CPVL: variants seen among roughly 807,000 people sequenced by gnomAD.
The protein encoded by CPVL is carboxypeptidase vitellogenic like.
CPVL carries 51 observed loss-of-function variants against 63.7 expected under a neutral mutation model. The ratio of observed to expected loss-of-function variants is 0.80; its 90% CI spans 0.64 to 1.01. The LOEUF (loss-of-function observed/expected upper bound fraction) is 1.01. Among genes scored for constraint, CPVL ranks in the 50% least tolerant of loss-of-function variants. The probability of loss-of-function intolerance (pLI) is 0.00; values close to 1 mark genes in which losing one functional copy is unlikely to be tolerated. For missense variants in CPVL, 530 were observed against 573.1 expected (o/e 0.92, Z 0.77); for synonymous variants, 195 against 206.0 (o/e 0.95, Z 0.46).
intron 12 of CPVL, among the ~76,000 whole-genome samples, chr7:28,997,661 C>T (rs1784217233): frequency 6.6e-6 from 1 of 151,136 alleles, no homozygotes; most frequent in African/African-American, 2.4e-5. Flanking sequence ...CTAGCTAGAA[C>T]CCTGACTTCT....
In CPVL at chr7:29,131,669, C is replaced by T. The variant is rs548646023; in HGVS notation, c.-10-10598G>A. On this transcript the variant is annotated intron_variant, in intron 1 of 12. Coordinates refer to ENST00000265394, the MANE Select transcript of CPVL (RefSeq NM_031311.5). ...CTGGGACCACCGGTGCATGCCACCACACCCAGCTAATTTTTGTACTTTTTG... is the reference window on the plus strand; with the variant it reads ...CTGGGACCACCGGTGCATGCCACCATACCCAGCTAATTTTTGTACTTTTTG... 2.0e-5 allele frequency among the ~76,000 whole-genome samples: 3 copies of T among 152,340 alleles called. No individual in the cohort carries two copies. In the East Asian group the frequency reaches 5.8e-4, roughly 29 times the overall value.
chr7:29,157,770 A>T (rs1383035550), intron 5 of CPVL, among the ~76,000 whole-genome samples: 1 of 152,180 alleles, frequency 6.6e-6, no homozygotes, highest in African/African-American at 2.4e-5. Context: ...TTTTTCTGCC[A>T]GAACAAATTA....
intron 10 of CPVL, among the ~76,000 whole-genome samples, chr7:29,065,785 T>A (rs1187763356): frequency 6.6e-6 from 1 of 152,118 alleles, no homozygotes; most frequent in East Asian, 1.9e-4. Context: ...GGGGAAATCA[T>A]GTTCATCAGA....
At chr7:29,092,590 T>G in intron 6 of CPVL, 33 bp downstream of exon 6, 1 of 1,506,664 alleles carries the variant, frequency 6.6e-7, no homozygotes, top group Non-Finnish European at 9.2e-7. Context: ...TGTTTGGTCT[T>G]AGGAAAGCCA....
chr7:29,116,931 G>A (rs180709746), intron 2 of CPVL, among the ~76,000 whole-genome samples: 16 of 152,232 alleles, frequency 1.1e-4, no homozygotes, highest in African/African-American at 2.9e-4. Flanking sequence ...TAAGACTCAC[G>A]TTCCTAGGGT....
chr7:29,006,112 C>T lies in CPVL; in HGVS notation c.1321-10230G>A, dbSNP rs182973917. Reference sequence around the variant, plus strand: ...TAGTTCTAGCAGCAGTGTGTGGGCACTCCCTCACTGGATCAGGAGAACCAA... The same window carrying T: ...TAGTTCTAGCAGCAGTGTGTGGGCATTCCCTCACTGGATCAGGAGAACCAA... On this transcript the variant is annotated intron_variant, in intron 12 of 12. Transcript: ENST00000265394. 4.6e-5 allele frequency among the ~76,000 whole-genome samples: 7 copies of T among 152,360 alleles called. No individual in the cohort carries two copies. In the East Asian group the frequency reaches 1.4e-3, roughly 29 times the overall value.
chr7:29,014,507 A>AT (rs534644628), intron 12 of CPVL, among the ~76,000 whole-genome samples: 208 of 144,784 alleles, frequency 1.4e-3, no homozygotes, highest in Middle Eastern at 3.5e-3. Flanking sequence ...AATTCTTTTA[A>AT]TTTTTTTTTT....
intron 10 of CPVL, among the ~76,000 whole-genome samples, chr7:29,065,198 T>G (rs1783029997): frequency 6.6e-6 from 1 of 152,200 alleles, no homozygotes; most frequent in South Asian, 2.1e-4. Flanking sequence ...CATCAACAAT[T>G]TTTACTAACT....
chr7:29,168,179 G>A (rs779506928), intron 5 of CPVL, among the ~76,000 whole-genome samples: 15 of 152,116 alleles, frequency 9.9e-5, no homozygotes, highest in Non-Finnish European at 1.5e-4. Context: ...ATCTTCTGAC[G>A]TTTGGTCTGG....
intron 12 of CPVL, among the ~76,000 whole-genome samples, chr7:29,013,804 A>C (rs375421123): frequency 1.3e-5 from 2 of 152,234 alleles, no homozygotes; most frequent in African/African-American, 4.8e-5. Flanking sequence ...GGTCTGCCTC[A>C]GCTGCAAAGA....
chr7:29,042,449 A>T (rs1789200243), intron 11 of CPVL, among the ~76,000 whole-genome samples: 1 of 151,950 alleles, frequency 6.6e-6, no homozygotes, highest in Non-Finnish European at 1.5e-5. Flanking sequence ...CAAAAAAGTT[A>T]AAAAAATCAG....
chr7:29,184,862 A>G (rs1436256745), intron 3 of CPVL, among the ~76,000 whole-genome samples: 6 of 152,210 alleles, frequency 3.9e-5, no homozygotes, highest in Admixed American at 3.3e-4. Flanking sequence ...TGACTTAATT[A>G]TTCACCCTTT....
At chr7:29,189,934 G>A (rs1182039244) in intron 1 of CPVL, among the ~76,000 whole-genome samples, 1 of 152,132 alleles carries the variant, frequency 6.6e-6, no homozygotes, top group Non-Finnish European at 1.5e-5. Flanking sequence ...TGGGAATTGG[G>A]TAGCAGAGGC....
chr7:29,092,521 TA>T (rs1284564726), intron 6 of CPVL, 101 bp downstream of exon 6: 5 of 759,376 alleles, frequency 6.6e-6, no homozygotes, highest in Non-Finnish European at 1.1e-5. Context: ...AATTGGACTA[TA>T]AGGCTCAGTC....
chr7:29,123,636 T>A (rs867865890), intron 1 of CPVL, among the ~76,000 whole-genome samples: 11 of 105,610 alleles, frequency 1.0e-4, no homozygotes, highest in African/African-American at 1.9e-4. Context: ...AAAATATATA[T>A]ATATATATAT....
intron 5 of CPVL, among the ~76,000 whole-genome samples, chr7:29,094,401 C>T (rs1219620591): frequency 1.3e-5 from 2 of 151,654 alleles, no homozygotes; most frequent in Non-Finnish European, 2.9e-5. Context: ...ATCTATAACT[C>T]TATGTGAAAG....
chr7:29,033,797 C>T (rs576418770), intron 11 of CPVL, among the ~76,000 whole-genome samples: 2 of 152,300 alleles, frequency 1.3e-5, no homozygotes, highest in East Asian at 3.9e-4. Flanking sequence ...CAGCTGTAGG[C>T]CTCTGGTAAG....
intron 12 of CPVL, among the ~76,000 whole-genome samples, chr7:29,002,171 C>A (rs1366986796): frequency 6.6e-6 from 1 of 151,894 alleles, no homozygotes; most frequent in Non-Finnish European, 1.5e-5. Flanking sequence ...GCTTGAGAGA[C>A]CAAAAAACAA....
At chr7:29,169,934 T>G (rs902518331) in intron 5 of CPVL, among the ~76,000 whole-genome samples, 18 of 151,842 alleles carry the variant, frequency 1.2e-4, no homozygotes, top group Non-Finnish European at 2.4e-4. Flanking sequence ...TGGGGTGCAG[T>G]GGCGCCATCA....
Sources: allele counts gnomAD v4.1 joint callset (sites outside exome capture counted in the v4.1 genomes callset), GRCh38; gene constraint gnomAD v4.1.1; transcripts MANE v1.5; gene names NCBI Gene and HGNC (gene_info 2026-07-23, HGNC 2026-07-21).